CCZ1: variants seen among roughly 807,000 people sequenced by gnomAD.
The protein encoded by CCZ1 is vacuolar fusion protein CCZ1 homolog.
Under a neutral mutation model 57.8 loss-of-function variants are expected in CCZ1, and 19 were observed. That is an observed-to-expected ratio of 0.33 (90% CI 0.23 to 0.48). The LOEUF (loss-of-function observed/expected upper bound fraction) is 0.48, where lower values mean the gene tolerates loss of function less well. CCZ1 is among the 20% of genes least tolerant of loss of function. CCZ1 has a pLI of 0.99. For synonymous variants in CCZ1, 81 were observed against 167.0 expected (o/e 0.49, Z 3.97); for missense variants, 200 against 492.0 (o/e 0.41, Z 5.61).
At position 5,912,973 on chromosome 7, in the gene CCZ1, C is replaced by A; in HGVS notation, c.954+19C>A. 6.2e-7 allele frequency: 1 copy of A among 1,608,106 alleles called. No homozygotes were observed. The highest frequency in any genetic ancestry group is 8.5e-7 in the Non-Finnish European group (1 of 1,177,422). ...TTATAAGGTAACAACTGTTTTCCTTCCAGCGTTAATGATTGTGCTGAAGTG... is the reference window on the plus strand; with the variant it reads ...TTATAAGGTAACAACTGTTTTCCTTACAGCGTTAATGATTGTGCTGAAGTG... On this transcript the variant is annotated intron_variant, in intron 10 of 14. Transcript: ENST00000325974.
rs1779206598 is a variant in CCZ1 at position 5,919,973 on chromosome 7, A to G, written c.1106+7A>G. On this transcript the variant is annotated splice_region_variant and intron_variant, in intron 12 of 14. Transcript: ENST00000325974. ...TCAACAAGAGGATGTCCGGGTTTGT[A>G]CTTTGCTTTCGGTTCACTTTCAGGC... The G allele has an allele frequency of 5.8e-6, 9 of 1,558,146 alleles. 3 individuals carry two copies. The highest frequency in any genetic ancestry group is 7.9e-6 in the Non-Finnish European group (9 of 1,138,148).
intron 6 of CCZ1, among the ~76,000 whole-genome samples, chr7:5,904,087 A>ATTT (rs1431476300): frequency 1.2e-4 from 9 of 73,676 alleles, no homozygotes; most frequent in African/African-American, 5.9e-4. Context: ...GCAGGGAGTT[A>ATTT]ATTTTTTTTT....
Position 5,905,109 on chromosome 7 carries a change from C to T in CCZ1, c.538C>T (p.His180Tyr). 1 of 1,598,896 alleles carries T rather than the reference C, an allele frequency of 6.3e-7. No individual in the cohort carries two copies. The highest frequency in any genetic ancestry group is 8.5e-7 in the Non-Finnish European group (1 of 1,177,992). The change falls in exon 7 of 15, where the codon CAT becomes TAT. Residue 180 changes from histidine to tyrosine, a missense_variant. Transcript: ENST00000325974. Reference sequence around the variant, plus strand: ...TTTCCCACAGTATTTGCAAACGCTACATTTGCAGTCATGTGACCTACTTGA... The same window carrying T: ...TTTCCCACAGTATTTGCAAACGCTATATTTGCAGTCATGTGACCTACTTGA... The part of the protein sequence containing the change: ...KFFHRYLQTL[H>Y]LQSCDLLDIF...
chr7:5,903,884 A>G (rs1439857726), intron 6 of CCZ1, among the ~76,000 whole-genome samples: 4 of 143,980 alleles, frequency 2.8e-5, no homozygotes, highest in African/African-American at 1.1e-4. Context: ...AATCCCAGCT[A>G]TTCTGGAGGC....
Position 5,912,974 on chromosome 7 carries a change from C to T in CCZ1, c.954+20C>T, listed in dbSNP as rs1779071250. The T allele has an allele frequency of 6.2e-7, 1 of 1,608,152 alleles. No homozygotes were observed. Among genetic ancestry groups the T allele is most frequent in the Non-Finnish European group, 8.5e-7 (1 of 1,177,476 alleles). Reference sequence around the variant, plus strand: ...TATAAGGTAACAACTGTTTTCCTTCCAGCGTTAATGATTGTGCTGAAGTGG... The same window carrying T: ...TATAAGGTAACAACTGTTTTCCTTCTAGCGTTAATGATTGTGCTGAAGTGG... On this transcript the variant is annotated intron_variant, in intron 10 of 14. Coordinates refer to ENST00000325974, the MANE Select transcript of CCZ1 (RefSeq NM_015622.6).
intron 6 of CCZ1, 57 bp from the exon 7 acceptor site, chr7:5,905,037 G>A: frequency 7.2e-7 from 1 of 1,395,518 alleles, no homozygotes; most frequent in South Asian, 1.3e-5. Flanking sequence ...AGTTATCAAG[G>A]AGCATTATAT....
chr7:5,911,375 C>G (rs1178295382), intron 8 of CCZ1, among the ~76,000 whole-genome samples: 3 of 148,898 alleles, frequency 2.0e-5, no homozygotes, highest in Non-Finnish European at 4.4e-5. Context: ...ACTTTGTTGA[C>G]TCGCATGGTC....
Position 5,905,859 on chromosome 7 carries a change from G to GT in CCZ1, c.698+603dup, listed in dbSNP as rs202147219. On this transcript the variant is annotated intron_variant, in intron 7 of 14. Coordinates refer to ENST00000325974, the MANE Select transcript of CCZ1 (RefSeq NM_015622.6). The stretch of plus-strand genomic sequence containing the variant: ...TTAGGAATCCTGTTTTTATTTTGGA[G>GT]TTTTTTTTTTTTTCTGAAATGATAA... Among the ~76,000 whole-genome samples, 72 of 90,228 alleles carry GT rather than the reference G, an allele frequency of 8.0e-4. 3 individuals are homozygous for GT. Among genetic ancestry groups the GT allele is most frequent in the South Asian group, 4.4e-3 (9 of 2,064 alleles). The allele number at this position is 90,228 out of a possible 152,430, so 59.2% of individuals were successfully genotyped here.
rs1370108697 is a variant in CCZ1, at chr7:5,916,565, C to T, written c.955-2302C>T. On this transcript the variant is annotated intron_variant, in intron 10 of 14. Transcript: ENST00000325974. ...GGAGTCCCACTCTGGTGTGAGCTTC[C>T]GGCTGTCCTCTCCCGTTGGGGTCAT... Among the ~76,000 whole-genome samples the T allele has an allele frequency of 1.9e-4, 27 of 143,470 alleles. No individual in the cohort carries two copies. The South Asian group carries it at 4.4e-3, about 23-fold the overall frequency. 94.1% of individuals were successfully genotyped at this position (143,470 alleles called of 152,430 possible).
At position 5,907,361 on chromosome 7, in the gene CCZ1, C is replaced by T. The variant is rs956544317; in HGVS notation, c.698+2092C>T. Among the ~76,000 whole-genome samples, 28 of 149,394 alleles carry T rather than the reference C, an allele frequency of 1.9e-4. 1 individual carries two copies. Among genetic ancestry groups the T allele is most frequent in the Non-Finnish European group, 3.1e-4 (21 of 67,806 alleles). On this transcript the variant is annotated intron_variant, in intron 7 of 14. Coordinates refer to ENST00000325974, the MANE Select transcript of CCZ1 (RefSeq NM_015622.6). ...TCCTCCACAGATGGAAATGACAGGA[C>T]GTGCTTGCAAGTCACACGCAGCCAC... is the stretch of plus-strand genomic sequence containing the variant.
At chr7:5,900,828 A>G (rs1280012491) in intron 3 of CCZ1, 27 bp from the exon 4 acceptor site, 5 of 1,263,188 alleles carry the variant, frequency 4.0e-6, no homozygotes, top group Non-Finnish European at 5.5e-6. Flanking sequence ...AATTCATTGT[A>G]TAATTTCAGT....
Position 5,908,453 on chromosome 7 carries a change from A to C in CCZ1, c.699-1582A>C, listed in dbSNP as rs1310477547. 3.4e-5 allele frequency among the ~76,000 whole-genome samples: 5 copies of C among 147,936 alleles called. 1 individual carries two copies. Among genetic ancestry groups the C allele is most frequent in the African/African-American group, 1.3e-4 (5 of 39,716 alleles). ...GAGTGCAGTGATGTGATCTCAGCTCACTTCAACCTGCGCCTCCCAGGTTCA... is the reference window on the plus strand; with the variant it reads ...GAGTGCAGTGATGTGATCTCAGCTCCCTTCAACCTGCGCCTCCCAGGTTCA... On this transcript the variant is annotated intron_variant, in intron 7 of 14. Transcript: ENST00000325974.
intron 9 of CCZ1, among the ~76,000 whole-genome samples, chr7:5,912,377 CTTTTTTTTTTTTTTTTT>C (rs4036238): frequency 3.7e-5 from 2 of 54,672 alleles, no homozygotes; most frequent in Non-Finnish European, 6.4e-5. Context: ...TCAGCATACC[CTTTTTTTTTTTTTTTTT>C]TTTTTTTTTT....
intron 10 of CCZ1, 45 bp from the exon 11 acceptor site, chr7:5,918,821 CT>C (rs1554282823): frequency 1.4e-6 from 1 of 733,520 alleles, no homozygotes; most frequent in Middle Eastern, 3.4e-4. Flanking sequence ...CGAAAGTCTC[CT>C]TTTTTCCACC....
At chr7:5,911,566 A>G (rs1176560344) in intron 8 of CCZ1, among the ~76,000 whole-genome samples, 2 of 149,080 alleles carry the variant, frequency 1.3e-5, no homozygotes, top group Non-Finnish European at 3.0e-5. Flanking sequence ...AAGTGCTGGG[A>G]TTATAGGCAT....
chr7:5,916,313 CA>C (rs1451653612), intron 10 of CCZ1, among the ~76,000 whole-genome samples: 2 of 116,630 alleles, frequency 1.7e-5, no homozygotes, highest in South Asian at 3.3e-4. Context: ...GAAACAAAAC[CA>C]GGGGGAAGGA....
chr7:5,900,160 C>T (rs1052998692), intron 1 of CCZ1, 124 bp from the exon 2 acceptor site: 5 of 1,303,498 alleles, frequency 3.8e-6, no homozygotes, highest in East Asian at 5.5e-5. Flanking sequence ...TTTCTAAAAC[C>T]GGTTTTTGTT....
At chr7:5,906,039 A>C (rs1163338311) in intron 7 of CCZ1, among the ~76,000 whole-genome samples, 2 of 145,240 alleles carry the variant, frequency 1.4e-5, no homozygotes, top group African/African-American at 5.1e-5. Context: ...CACTGCACCT[A>C]CTTTCTTTTA....
At chr7:5,900,963 T>C in intron 4 of CCZ1, 31 bp downstream of exon 4, 1 of 1,235,898 alleles carries the variant, frequency 8.1e-7, no homozygotes, top group Non-Finnish European at 1.1e-6. Context: ...TATTTATTTA[T>C]TTTTTTAAAT....
Sources: allele counts gnomAD v4.1 joint callset (sites outside exome capture counted in the v4.1 genomes callset), GRCh38; gene constraint gnomAD v4.1.1; transcripts MANE v1.5; gene names NCBI Gene and HGNC (gene_info 2026-07-23, HGNC 2026-07-21).